The following UST variants were observed in gnomAD, a reference collection of about 807,000 sequenced individuals.
UST encodes the protein chondroitin sulfate 2-O-sulfotransferase.
UST carries 21 observed loss-of-function variants against 45.6 expected under a neutral mutation model. The ratio of observed to expected loss-of-function variants is 0.46; its 90% confidence interval spans 0.33 to 0.66. The LOEUF is 0.66. Among genes scored for constraint, UST ranks in the 30% least tolerant of loss-of-function variants. The probability of loss-of-function intolerance (pLI) is 0.02; values close to 1 mark genes in which losing one functional copy is unlikely to be tolerated. For missense variants in UST, 463 were observed against 512.4 expected, an observed-to-expected ratio of 0.90 and a Z score of 0.93; for synonymous variants, 215 against 200.6, an observed-to-expected ratio of 1.07 and a Z score of -0.61.
chr6:148,916,130 G>A (rs1192864572), intron 2 of UST, among the ~76,000 whole-genome samples: 1 of 152,146 alleles, frequency 6.6e-6, no homozygotes, highest in East Asian at 1.9e-4. Flanking sequence ...CAGAATAATA[G>A]CTAAAATTGA....
intron 5 of UST, among the ~76,000 whole-genome samples, chr6:148,967,623 G>A (rs185130968): frequency 1.4e-3 from 218 of 152,292 alleles, no homozygotes; most frequent in African/African-American, 4.9e-3. Context: ...GTGTCTCAGC[G>A]GGGCGCAGGC....
chr6:149,053,068 G>A (rs1036624541), intron 7 of UST, among the ~76,000 whole-genome samples: 4 of 152,152 alleles, frequency 2.6e-5, no homozygotes, highest in African/African-American at 9.7e-5. Context: ...AATTCTTAGA[G>A]TACATCATTT....
chr6:149,022,100 C>T (rs893789625), intron 7 of UST, among the ~76,000 whole-genome samples: 3 of 152,200 alleles, frequency 2.0e-5, no homozygotes, highest in African/African-American at 2.4e-5. Context: ...GTGGTATCAT[C>T]GTAAGTATAA....
At chr6:148,895,133 G>GA (rs1320215509) in intron 2 of UST, among the ~76,000 whole-genome samples, 1 of 151,802 alleles carries the variant, frequency 6.6e-6, no homozygotes, top group Non-Finnish European at 1.5e-5. Flanking sequence ...GCATTTTTAA[G>GA]TTTTTTTTCC....
chr6:148,747,588 C>T lies in UST; in HGVS notation c.158C>T (p.Ala53Val), dbSNP rs1167051686. 2.5e-6 allele frequency: 4 copies of T among 1,592,866 alleles called. No homozygotes were observed. The highest frequency in any genetic ancestry group is 3.4e-6 in the Non-Finnish European group (4 of 1,171,342). The change falls in exon 1 of 8, where the codon GCC becomes GTC. Residue 53 changes from alanine to valine, a missense_variant. By Grantham distance (64) the Ala-to-Val change is moderately conservative. This residue lies in a region of UST where 176 missense variants were observed against 138.3 expected (regional missense o/e 1.27). Transcript: ENST00000367463. ...CTCCGGGACTACGGCTTCTGCATGG[C>T]CACCCTGCTGGTCTTCTGCCTGGGC... is the stretch of plus-strand genomic sequence containing the variant. ...FSLRDYGFCM[A>V]TLLVFCLGSL...
intron 2 of UST, among the ~76,000 whole-genome samples, chr6:148,900,922 A>T (rs1779243203): frequency 6.6e-6 from 1 of 152,132 alleles, no homozygotes; most frequent in Non-Finnish European, 1.5e-5. Flanking sequence ...TGTCTCCTTT[A>T]TCTTCAAGGC....
chr6:148,774,069 T>A (rs1013295758), intron 1 of UST, among the ~76,000 whole-genome samples: 12 of 152,174 alleles, frequency 7.9e-5, no homozygotes, highest in Non-Finnish European at 1.5e-4. Context: ...GAATGACTAG[T>A]GACTACAGCA....
At chr6:148,749,181 T>C (rs916826683) in intron 1 of UST, among the ~76,000 whole-genome samples, 3 of 152,214 alleles carry the variant, frequency 2.0e-5, no homozygotes, top group African/African-American at 7.2e-5. Flanking sequence ...TTTGGGGCAA[T>C]ATATCCTTTA....
intron 7 of UST, among the ~76,000 whole-genome samples, chr6:149,045,945 A>G (rs1029028946): frequency 1.3e-5 from 2 of 152,122 alleles, no homozygotes; most frequent in Admixed American, 6.5e-5. Flanking sequence ...TGTTCTAGAT[A>G]TTTTCCCAGC....
intron 1 of UST, among the ~76,000 whole-genome samples, chr6:148,827,696 T>A (rs921895650): frequency 4.6e-5 from 7 of 151,270 alleles, no homozygotes; most frequent in Admixed American, 6.6e-5. Flanking sequence ...GGCTTGCCAT[T>A]TTCTTAACTT....
chr6:149,054,467 A>G (rs918483526), intron 7 of UST, among the ~76,000 whole-genome samples: 10 of 152,210 alleles, frequency 6.6e-5, no homozygotes, highest in African/African-American at 2.2e-4. Context: ...TGTCTTAGCA[A>G]TCTTCTGTGG....
chr6:148,965,274 A>G (rs1330904563), intron 5 of UST, among the ~76,000 whole-genome samples: 1 of 152,218 alleles, frequency 6.6e-6, no homozygotes, highest in Non-Finnish European at 1.5e-5. Flanking sequence ...TTTCAGCACT[A>G]GAACGAAAGG....
chr6:148,949,436 T>TAATAATAATAA (rs1562309750), intron 3 of UST, among the ~76,000 whole-genome samples: 2 of 50,390 alleles, frequency 4.0e-5, no homozygotes, highest in South Asian at 5.7e-4. Flanking sequence ...AATAATAATA[T>TAATAATAATAA]TACTTATTCA....
At chr6:148,975,066 G>C (rs756652083) in intron 5 of UST, among the ~76,000 whole-genome samples, 7 of 152,128 alleles carry the variant, frequency 4.6e-5, no homozygotes, top group African/African-American at 7.2e-5. Flanking sequence ...AGGTATAATC[G>C]ATGGCATTCT....
intron 2 of UST, among the ~76,000 whole-genome samples, chr6:148,937,552 T>C (rs1780047023): frequency 6.6e-6 from 1 of 152,198 alleles, no homozygotes. Context: ...ATCAGATAGA[T>C]ACTAAGCCTG....
intron 6 of UST, among the ~76,000 whole-genome samples, chr6:149,020,193 C>G (rs941396505): frequency 2.6e-5 from 4 of 152,146 alleles, no homozygotes; most frequent in African/African-American, 7.2e-5. Context: ...TGTTGTTATT[C>G]CTGTCTTGTT....
intron 7 of UST, among the ~76,000 whole-genome samples, chr6:149,048,440 G>A (rs528959130): frequency 6.6e-6 from 1 of 151,918 alleles, no homozygotes; most frequent in African/African-American, 2.4e-5. Flanking sequence ...GGACGCTGAG[G>A]CAGGAGAATC....
chr6:148,796,298 C>A (rs1232703312), intron 1 of UST, among the ~76,000 whole-genome samples: 1 of 152,100 alleles, frequency 6.6e-6, no homozygotes, highest in Non-Finnish European at 1.5e-5. Context: ...TTCTTGATAA[C>A]AGAAACATTT....
intron 1 of UST, among the ~76,000 whole-genome samples, chr6:148,808,368 C>T (rs1364456792): frequency 6.6e-6 from 1 of 152,074 alleles, no homozygotes; most frequent in African/African-American, 2.4e-5. Flanking sequence ...TACTTTTTAC[C>T]AGCATAAGAT....
Sources: allele counts gnomAD v4.1 joint callset (sites outside exome capture counted in the v4.1 genomes callset), GRCh38; gene constraint gnomAD v4.1.1; regional missense constraint gnomAD v4.1.1; transcripts MANE v1.5; gene names NCBI Gene and HGNC (gene_info 2026-07-23, HGNC 2026-07-21).